The following ZNF707 variants were observed in gnomAD, a reference collection of about 807,000 sequenced individuals.
The protein encoded by ZNF707 is zinc finger protein 707.
Under a neutral mutation model 13.3 loss-of-function variants are expected in ZNF707, and 8 were observed. The observed-to-expected ratio is 0.60, with a 90% CI of 0.35 to 1.09. The LOEUF is 1.09. Among genes scored for constraint, ZNF707 ranks in the 50% least tolerant of loss-of-function variants. The pLI is 0.02. For synonymous variants in ZNF707, 225 were observed against 205.6 expected (o/e 1.09, Z -0.81); for missense variants, 530 against 512.6 (o/e 1.03, Z -0.33).
intron 4 of ZNF707, 164 bp from the exon 5 acceptor site, chr8:143,691,436 T>C: frequency 1.0e-6 from 1 of 997,946 alleles, no homozygotes; most frequent in Admixed American, 2.9e-5. Flanking sequence ...TGGGCCTTGG[T>C]GTCCAGGCCC....
chr8:143,685,646 T>C (rs577121855), intron 1 of ZNF707, among the ~76,000 whole-genome samples: 1 of 151,960 alleles, frequency 6.6e-6, no homozygotes, highest in South Asian at 2.1e-4. Context: ...TTGAGATCAG[T>C]CTTGGCAACA....
rs184714715 is a variant in ZNF707 at position 143,692,018 on chromosome 8, G to A, written c.256+305G>A. 1.9e-4 allele frequency: 278 copies of A among 1,428,608 alleles called. No individual in the cohort carries two copies. The African/African-American group carries it at 3.5e-3, about 18-fold the overall frequency. 88.5% of individuals were successfully genotyped at this position (1,428,608 alleles called of 1,614,324 possible). Reference sequence around the variant, plus strand: ...GCACCTAGCCACCCAGGTGCTGTCCGGCGGAGGCCATTGGTGTGGGTGTCT... The same window carrying A: ...GCACCTAGCCACCCAGGTGCTGTCCAGCGGAGGCCATTGGTGTGGGTGTCT... On this transcript the variant is annotated intron_variant, in intron 5 of 5. Coordinates refer to ENST00000358656, the MANE Select transcript of ZNF707 (RefSeq NM_001100598.2).
At chr8:143,691,922 G>T in intron 5 of ZNF707, 1 of 1,171,300 alleles carries the variant, frequency 8.5e-7, no homozygotes, top group Non-Finnish European at 1.2e-6. Flanking sequence ...GGGCTCGAAA[G>T]GCATAGTGCT....
chr8:143,690,060 T>A lies in ZNF707; in HGVS notation c.-49T>A. 6.2e-7 allele frequency: 1 copy of A among 1,608,772 alleles called. No individual in the cohort carries two copies. Among genetic ancestry groups the A allele is most frequent in the Non-Finnish European group, 8.5e-7 (1 of 1,179,612 alleles). On this transcript the variant is annotated 5_prime_UTR_variant, in exon 3 of 6. Coordinates refer to ENST00000358656, the MANE Select transcript of ZNF707 (RefSeq NM_001100598.2). ...CTTACATTTCTTGTCTCCCCAGATC[T>A]GCCCTCCTTGGCACTGTGCTTCCCC...
intron 3 of ZNF707, chr8:143,690,413 TA>T (rs1554613214): frequency 4.9e-6 from 2 of 407,108 alleles, no homozygotes; most frequent in Non-Finnish European, 8.7e-6. Flanking sequence ...CTACTAAAAA[TA>T]CAAAAAATTA....
Position 143,694,126 on chromosome 8 carries a change from G to A in ZNF707, c.712G>A (p.Gly238Arg), listed in dbSNP as rs781937919. ...REKPFCCEAC[G>R]QAFSLKDRLA... ...GAAGCCCTTCTGCTGCGAGGCCTGC[G>A]GGCAGGCGTTCAGCCTGAAGGACCG... The change falls in exon 6 of 6, where the codon GGG (glycine) becomes AGG (arginine). Residue 238 changes from glycine (G) to arginine (R), a missense_variant. Physicochemically the swap from Gly to Arg is moderately radical, Grantham distance 125. Coordinates refer to ENST00000358656, the MANE Select transcript of ZNF707 (RefSeq NM_001100598.2). The surrounding 1 kb of genome is among the most constrained non-coding windows in gnomAD (Gnocchi z 4.4). 3.1e-6 allele frequency: 5 copies of A among 1,598,792 alleles called. No homozygotes were observed. The highest frequency in any genetic ancestry group is 2.3e-5 in the East Asian group (1 of 44,386).
At chr8:143,692,309 CTG>C in intron 5 of ZNF707, 2 of 1,289,766 alleles carry the variant, frequency 1.6e-6, no homozygotes, top group South Asian at 1.2e-5. Flanking sequence ...GAGTCCCCGA[CTG>C]TGGAGTGTCA....
rs202032154 is a variant in ZNF707, at chr8:143,694,440, G to T, written c.1026G>T (p.Arg342Ser). 1.2e-6 allele frequency: 2 copies of T among 1,612,458 alleles called. No homozygotes were observed. The highest frequency in any genetic ancestry group is 8.5e-7 in the Non-Finnish European group (1 of 1,179,608). ...ACCGGAGGCTGCACCTGACGAAGAG[G>T]TTCTACGAGTGCGGCCACTGTGGGA... Reference protein sequence around the residue: ...SIHRRLHLTKRFYECGHCGKG... With the variant: ...SIHRRLHLTKSFYECGHCGKG... Residue 342 changes from arginine to serine, a missense_variant, in exon 6 of 6, where the codon AGG becomes AGT. Arg to Ser is a moderately radical substitution (Grantham distance 110). Transcript: ENST00000358656. This position sits in a 1 kb window ranked among gnomAD's most constrained non-coding sequence, Gnocchi z 4.4.
In ZNF707 at chr8:143,686,318, TGCCTCG is replaced by T. The variant is rs530432779; in HGVS notation, c.-151+1782_-151+1787del. On this transcript the variant is annotated intron_variant, in intron 1 of 5. Transcript: ENST00000358656. ...AACTTCTGACCTCAGGTGATCCACC[TGCCTCG>T]GCCTCCCCAAGTGCTGGGATTACAG... Among the ~76,000 whole-genome samples the T allele has an allele frequency of 1.8e-3, 280 of 152,210 alleles. 2 individuals are homozygous for T. Among genetic ancestry groups the T allele is most frequent in the African/African-American group, 6.4e-3 (264 of 41,528 alleles).
At position 143,694,669 on chromosome 8, in the gene ZNF707, C is replaced by G. The variant is rs1554614909; in HGVS notation, c.*139C>G. The G allele has an allele frequency of 3.9e-6, 4 of 1,013,868 alleles. No individual in the cohort carries two copies. Among genetic ancestry groups the G allele is most frequent in the East Asian group, 2.7e-5 (1 of 37,004 alleles). 62.8% of individuals were successfully genotyped at this position (1,013,868 alleles called of 1,614,324 possible). A position where few individuals can be genotyped will look rare whatever the true frequency, so the allele number is the denominator to read the frequency against. On this transcript the variant is annotated 3_prime_UTR_variant, in exon 6 of 6. Coordinates refer to ENST00000358656, the MANE Select transcript of ZNF707 (RefSeq NM_001100598.2). The surrounding 1 kb of genome is among the most constrained non-coding windows in gnomAD (Gnocchi z 4.4). ...TTCTTAGTCCTCAGAGCTCCCCAGT[C>G]CCCCGAGAAGTTTACTGGGAAAACT...
chr8:143,691,850 G>C lies in ZNF707; in HGVS notation c.256+137G>C, dbSNP rs1251246918. ...AGACACACAGCTGCTCTCTAAATTA[G>C]ACAGGCATTAGAGACGTAGGGGCAG... On this transcript the variant is annotated intron_variant, in intron 5 of 5. Transcript: ENST00000358656. 9 of 978,078 alleles carry C rather than the reference G, an allele frequency of 9.2e-6. No homozygotes were observed. In the African/African-American group the frequency reaches 1.5e-4, roughly 16 times the overall value. 60.6% of individuals were successfully genotyped at this position (978,078 alleles called of 1,614,324 possible).
rs554956059 is a variant in ZNF707 at position 143,690,966 on chromosome 8, A to T, written c.16-107A>T. On this transcript the variant is annotated intron_variant, in intron 3 of 5. Coordinates refer to ENST00000358656, the MANE Select transcript of ZNF707 (RefSeq NM_001100598.2). ...GTGAATGGATTTAGGGGACACAAACAATCAGTCCACCGCAGGGCCACTCCC... is the reference window on the plus strand; with the variant it reads ...GTGAATGGATTTAGGGGACACAAACTATCAGTCCACCGCAGGGCCACTCCC... The T allele has an allele frequency of 1.2e-5, 16 of 1,390,590 alleles. No homozygotes were observed. In the Admixed American group the frequency reaches 3.6e-4, roughly 31 times the overall value. The allele number at this position is 1,390,590 out of a possible 1,614,324, so 86.1% of individuals were successfully genotyped here. A position where few individuals can be genotyped will look rare whatever the true frequency, so the allele number is the denominator to read the frequency against.
At chr8:143,688,393 G>A (rs1443263100) in intron 1 of ZNF707, among the ~76,000 whole-genome samples, 9 of 152,232 alleles carry the variant, frequency 5.9e-5, no homozygotes, top group East Asian at 1.9e-4. Context: ...TGGGAGGGAC[G>A]AGGGGTCAGG....
chr8:143,694,293 C>T lies in ZNF707; in HGVS notation c.879C>T (p.Cys293=), dbSNP rs782196851. 1.4e-5 allele frequency: 23 copies of T among 1,598,262 alleles called. No homozygotes were observed. The highest frequency in any genetic ancestry group is 1.8e-5 in the Non-Finnish European group (21 of 1,170,920). Residue 293 remains cysteine (C), a synonymous_variant, in exon 6 of 6, where the codon TGC becomes TGT. Transcript: ENST00000358656. This position sits in a 1 kb window ranked among gnomAD's most constrained non-coding sequence, Gnocchi z 4.4. ...TGERPFYCAD[C]GKAFRTKENL... is the part of the protein sequence containing the mutation. ...AGCGGCCGTTCTACTGCGCGGACTG[C>T]GGCAAAGCCTTCCGGACCAAGGAGA...
chr8:143,691,256 G>T, intron 4 of ZNF707, 57 bp downstream of exon 4: 3 of 1,553,290 alleles, frequency 1.9e-6, no homozygotes, highest in Non-Finnish European at 2.6e-6. Context: ...GAGCTCTGCC[G>T]CTGCCTCTGG....
intron 2 of ZNF707, 104 bp from the exon 3 acceptor site, chr8:143,689,953 T>G: frequency 1.1e-6 from 1 of 888,014 alleles, no homozygotes; most frequent in Non-Finnish European, 1.7e-6. Flanking sequence ...ATCACTCATT[T>G]TTCCTGAATT....
In ZNF707 at chr8:143,694,150, C is replaced by T. The variant is rs1447576320; in HGVS notation, c.736C>T (p.Arg246Cys). The change falls in exon 6 of 6, where the codon CGC (arginine) becomes TGC (cysteine). Residue 246 changes from arginine to cysteine, a missense_variant. Physicochemically the swap from Arg to Cys is radical, Grantham distance 180. Coordinates refer to ENST00000358656, the MANE Select transcript of ZNF707 (RefSeq NM_001100598.2). This position sits in a 1 kb window ranked among gnomAD's most constrained non-coding sequence, Gnocchi z 4.4. Reference sequence around the variant, plus strand: ...CGGGCAGGCGTTCAGCCTGAAGGACCGCCTGGCTCAGCACCGCAAGGTCCA... The same window carrying T: ...CGGGCAGGCGTTCAGCCTGAAGGACTGCCTGGCTCAGCACCGCAAGGTCCA... ...ACGQAFSLKD[R>C]LAQHRKVHTE... 3.8e-6 allele frequency: 6 copies of T among 1,588,018 alleles called. No individual in the cohort carries two copies. The highest frequency in any genetic ancestry group is 5.1e-6 in the Non-Finnish European group (6 of 1,166,938).
chr8:143,689,988 G>T (rs1192428748), intron 2 of ZNF707, 69 bp from the exon 3 acceptor site: 1 of 1,212,698 alleles, frequency 8.2e-7, no homozygotes, highest in Non-Finnish European at 1.2e-6. Flanking sequence ...GAGTGGGGGG[G>T]CTCCTGGGGT....
At chr8:143,690,162 C>A in intron 3 of ZNF707, 39 bp downstream of exon 3, 1 of 1,600,614 alleles carries the variant, frequency 6.2e-7, no homozygotes, top group Non-Finnish European at 8.5e-7. Flanking sequence ...TCCCTTCTGC[C>A]CTGCTGGCTG....
Sources: gnomAD v4.1 joint callset for allele counts (sites outside exome capture counted in the v4.1 genomes callset) on GRCh38, gnomAD v4.1.1 for gene constraint, Gnocchi (gnomAD v3.1) non-coding constraint, MANE v1.5 for transcripts, NCBI Gene and HGNC (gene_info 2026-07-23, HGNC 2026-07-21) for gene names.